Variants in CLSTN2 observed in about 807,000 individuals in gnomAD.
The protein encoded by CLSTN2 is calsyntenin 2.
Under a neutral mutation model 101.2 loss-of-function variants are expected in CLSTN2, and 48 were observed. That is an observed-to-expected ratio of 0.47 (90% CI 0.38 to 0.60). The LOEUF is 0.60. Among genes scored for constraint, CLSTN2 ranks in the 20% least tolerant of loss-of-function variants. The pLI, the probability that CLSTN2 is intolerant of heterozygous loss-of-function variation, is 0.00. For missense variants in CLSTN2, 1,160 were observed against 1,238.2 expected, an observed-to-expected ratio of 0.94 and a Z score of 0.95; for synonymous variants, 481 against 463.6, an observed-to-expected ratio of 1.04 and a Z score of -0.48.
chr3:139,963,327 C>CT (rs1451616399), intron 1 of CLSTN2, among the ~76,000 whole-genome samples: 1 of 152,138 alleles, frequency 6.6e-6, no homozygotes, highest in East Asian at 1.9e-4. Context: ...TTGAATTCAG[C>CT]TTTTTTCTCT....
chr3:140,426,639 G>A (rs1378904743), intron 5 of CLSTN2, among the ~76,000 whole-genome samples: 2 of 152,130 alleles, frequency 1.3e-5, no homozygotes, highest in East Asian at 3.8e-4. Flanking sequence ...GTCTTTAAGG[G>A]CAGGGTCTTA....
chr3:140,251,778 G>A (rs889931079), intron 2 of CLSTN2, among the ~76,000 whole-genome samples: 2 of 152,262 alleles, frequency 1.3e-5, no homozygotes, highest in African/African-American at 4.8e-5. Context: ...CTCTGTCAGT[G>A]AGGGGAACAA....
At chr3:140,226,383 C>T (rs4621292) in intron 2 of CLSTN2, among the ~76,000 whole-genome samples, 152,059 of 152,346 alleles carry the variant, frequency 1, 75,887 homozygotes, top group Middle Eastern at 1. Context: ...GAGTAAAAGA[C>T]ACATAGGATT....
At chr3:140,437,714 T>C (rs1018735872) in intron 5 of CLSTN2, among the ~76,000 whole-genome samples, 1 of 152,232 alleles carries the variant, frequency 6.6e-6, no homozygotes, top group African/African-American at 2.4e-5. Flanking sequence ...TGCATTCTGT[T>C]AAGAGAACCT....
chr3:140,253,706 T>A (rs977476531), intron 2 of CLSTN2, among the ~76,000 whole-genome samples: 1 of 152,142 alleles, frequency 6.6e-6, no homozygotes, highest in Non-Finnish European at 1.5e-5. Flanking sequence ...ATTCTGTTAA[T>A]TATAATGAGA....
At chr3:140,508,607 G>T (rs1934731257) in intron 8 of CLSTN2, 1 of 152,178 alleles carries the variant, frequency 6.6e-6, no homozygotes, top group Non-Finnish European at 1.5e-5. Flanking sequence ...AGTTTATTGT[G>T]TTCAGAGAGG....
intron 1 of CLSTN2, among the ~76,000 whole-genome samples, chr3:140,035,856 G>A (rs1560075708): frequency 6.6e-6 from 1 of 152,154 alleles, no homozygotes; most frequent in Admixed American, 6.5e-5. Flanking sequence ...TATTGTATTT[G>A]TTTTCTTTTT....
intron 10 of CLSTN2, among the ~76,000 whole-genome samples, chr3:140,552,403 A>G (rs868203726): frequency 1.8e-5 from 2 of 113,850 alleles, no homozygotes; most frequent in Non-Finnish European, 3.6e-5. Flanking sequence ...CCGCAGTTTA[A>G]AAAAAAAAAA....
At chr3:140,056,543 A>G (rs1386651466) in intron 1 of CLSTN2, among the ~76,000 whole-genome samples, 1 of 152,162 alleles carries the variant, frequency 6.6e-6, no homozygotes, top group Non-Finnish European at 1.5e-5. Context: ...TGGCTTATGG[A>G]ACACGTGGGT....
chr3:140,058,427 T>G (rs1367451213), intron 1 of CLSTN2, among the ~76,000 whole-genome samples: 1 of 151,962 alleles, frequency 6.6e-6, no homozygotes, highest in Non-Finnish European at 1.5e-5. Flanking sequence ...GAAAGGGAGG[T>G]GGACAGATGC....
At chr3:140,564,170 T>C (rs374582820) in intron 16 of CLSTN2, 25 bp downstream of exon 16, 12 of 1,608,382 alleles carry the variant, frequency 7.5e-6, no homozygotes, top group Non-Finnish European at 9.4e-6. Context: ...CGGCTGGGAG[T>C]TCTGGGTGGG....
intron 10 of CLSTN2, among the ~76,000 whole-genome samples, chr3:140,553,091 T>G (rs1935735807): frequency 6.6e-6 from 1 of 152,182 alleles, no homozygotes; most frequent in Non-Finnish European, 1.5e-5. Context: ...GCATCAACCA[T>G]GCATATGCCT....
intron 5 of CLSTN2, among the ~76,000 whole-genome samples, chr3:140,431,505 G>A (rs987287853): frequency 7.9e-5 from 12 of 152,142 alleles, no homozygotes; most frequent in Middle Eastern, 3.2e-3. Context: ...TTCATACCAG[G>A]TGGCTCAGCT....
chr3:140,248,287 C>T (rs1427862750), intron 2 of CLSTN2, among the ~76,000 whole-genome samples: 2 of 152,142 alleles, frequency 1.3e-5, no homozygotes, highest in Non-Finnish European at 2.9e-5. Flanking sequence ...GCTTAGGGAC[C>T]CCATGAGGAA....
At chr3:140,358,533 T>C in intron 2 of CLSTN2, among the ~76,000 whole-genome samples, 1 of 152,178 alleles carries the variant, frequency 6.6e-6, no homozygotes, top group Non-Finnish European at 1.5e-5. Context: ...CAGAAATGCC[T>C]TTCAGCCATG....
chr3:140,403,727 C>A lies in CLSTN2; in HGVS notation c.331C>A (p.Pro111Thr), dbSNP rs754501382. ...AGAGGGCCGGCTCCGTGCCAAGAGC[C>A]CCATTGACTGTGAGTTGCAGAAGGA... is the stretch of plus-strand genomic sequence containing the variant. The part of the protein sequence containing the change: ...SGEGRLRAKS[P>T]IDCELQKEYT... The change falls in exon 3 of 17, where the codon CCC becomes ACC. Residue 111 changes from proline to threonine, a missense_variant. By Grantham distance (38) the Pro-to-Thr change is conservative. Transcript: ENST00000458420. 9 of 1,614,132 alleles carry A rather than the reference C, an allele frequency of 5.6e-6. No individual in the cohort carries two copies. The East Asian group carries it at 2.0e-4, about 36-fold the overall frequency.
intron 2 of CLSTN2, among the ~76,000 whole-genome samples, chr3:140,194,058 A>G (rs931977351): frequency 1.8e-4 from 27 of 152,152 alleles, no homozygotes; most frequent in African/African-American, 4.6e-4. Flanking sequence ...ATCTGTGTTT[A>G]GAATTGACCA....
rs2088360815 is a variant in CLSTN2 at position 140,411,358 on chromosome 3, A to T, written c.637+6592A>T. Among the ~76,000 whole-genome samples the T allele has an allele frequency of 2.0e-5, 3 of 152,280 alleles. No homozygotes were observed. The South Asian group carries it at 6.2e-4, about 31-fold the overall frequency. ...GTCATTATATGATAATAAAAAAAGT[A>T]AATTCATCAAGAAGATACAGCAATT... On this transcript the variant is annotated intron_variant, in intron 4 of 16. Coordinates refer to ENST00000458420, the MANE Select transcript of CLSTN2 (RefSeq NM_022131.3).
intron 8 of CLSTN2, among the ~76,000 whole-genome samples, chr3:140,528,874 G>A (rs762724468): frequency 6.6e-6 from 1 of 152,184 alleles, no homozygotes; most frequent in Non-Finnish European, 1.5e-5. Context: ...ACTTGATACA[G>A]CCCCTCCATT....
Sources: allele counts gnomAD v4.1 joint callset (sites outside exome capture counted in the v4.1 genomes callset), GRCh38; gene constraint gnomAD v4.1.1; transcripts MANE v1.5; gene names NCBI Gene and HGNC (gene_info 2026-07-23, HGNC 2026-07-21).